MYL6B: variants seen among roughly 807,000 people sequenced by gnomAD.
MYL6B encodes the protein myosin alkali light chain 1 slow a.
In MYL6B, 19 loss-of-function variants were observed where a neutral mutation model predicts 24.5. The ratio of observed to expected loss-of-function variants is 0.78; its 90% CI spans 0.54 to 1.14. The LOEUF is 1.14. Ranked by LOEUF, MYL6B falls within the 50% of genes most tolerant of loss-of-function variation. MYL6B has a pLI of 0.00. For missense variants in MYL6B, 230 were observed against 263.8 expected (o/e 0.87, Z 0.89); for synonymous variants, 90 against 100.7 (o/e 0.89, Z 0.64).
intron 4 of MYL6B, 63 bp downstream of exon 4, chr12:56,155,261 A>G: frequency 6.4e-7 from 1 of 1,559,102 alleles, no homozygotes; most frequent in Admixed American, 2.0e-5. Flanking sequence ...TTGGTAACAA[A>G]AAGAATGAGG....
rs773655883 is a variant in MYL6B, at chr12:56,155,209, C to G, written c.346+11C>G. 12 of 1,582,806 alleles carry G rather than the reference C, an allele frequency of 7.6e-6. No individual in the cohort carries two copies. Among genetic ancestry groups the G allele is most frequent in the Middle Eastern group, 1.7e-4 (1 of 5,922 alleles). On this transcript the variant is annotated intron_variant, in intron 4 of 6. Transcript: ENST00000553066. Reference sequence around the variant, plus strand: ...ACCCCAAGAGTGATGGTGAGGGGACCCTTGGGAACAATTTGGGTTTTTAGT... The same window carrying G: ...ACCCCAAGAGTGATGGTGAGGGGACGCTTGGGAACAATTTGGGTTTTTAGT...
Position 56,153,340 on chromosome 12 carries a change from G to T in MYL6B, c.-46-533G>T, listed in dbSNP as rs560453418. The T allele has an allele frequency of 8.2e-5, 65 of 795,810 alleles. 1 individual carries two copies. In the South Asian group the frequency reaches 3.2e-3, roughly 39 times the overall value. The allele number at this position is 795,810 out of a possible 1,614,324, so 49.3% of individuals were successfully genotyped here. A position where few individuals can be genotyped will look rare whatever the true frequency, so the allele number is the denominator to read the frequency against. On this transcript the variant is annotated intron_variant, in intron 1 of 6. Coordinates refer to ENST00000553066, the Ensembl canonical transcript of MYL6B. ...AGTTCTTGGCTGGGTGGGGGCTCAG[G>T]AACTACAAGTATTAGGGATCATTAG...
intron 4 of MYL6B, 53 bp from the exon 5 acceptor site, chr12:56,155,366 G>GGGTCC: frequency 6.2e-7 from 1 of 1,611,860 alleles, no homozygotes; most frequent in Non-Finnish European, 8.5e-7. Context: ...GTTGGGAGCT[G>GGGTCC]GGTCCTATGT....
Position 56,155,736 on chromosome 12 carries a change from T to A in MYL6B, c.520+144T>A, listed in dbSNP as rs774698997. 21 of 1,540,672 alleles carry A rather than the reference T, an allele frequency of 1.4e-5. No individual in the cohort carries two copies. The East Asian group carries it at 5.1e-4, about 37-fold the overall frequency. On this transcript the variant is annotated intron_variant, in intron 5 of 6. Coordinates refer to ENST00000553066, the Ensembl canonical transcript of MYL6B. ...CAGGAGACTGAGAAGGTCAGAGCTA[T>A]GGGGGTAGAATCTGAAGGACTCGCT...
intron 1 of MYL6B, chr12:56,153,494 A>G: frequency 1.0e-6 from 1 of 987,438 alleles, no homozygotes; most frequent in Non-Finnish European, 1.2e-6. Context: ...AGTTCACACA[A>G]GCCTCCCTGG....
intron 1 of MYL6B, among the ~76,000 whole-genome samples, chr12:56,152,890 A>C (rs1030684712): frequency 6.6e-6 from 1 of 151,808 alleles, no homozygotes; most frequent in Non-Finnish European, 1.5e-5. Flanking sequence ...GTAGCCTGCA[A>C]TCCCTCCCCA....
At chr12:56,157,385 G>A in intron 5 of MYL6B, 83 bp from the exon 6 acceptor site, 5 of 1,346,460 alleles carry the variant, frequency 3.7e-6, no homozygotes, top group Non-Finnish European at 5.2e-6. Flanking sequence ...GCGAAACTCC[G>A]TCTCAAAAAA....
chr12:56,156,748 T>TAA (rs200621571), intron 5 of MYL6B, among the ~76,000 whole-genome samples: 4,560 of 150,324 alleles, frequency 0.03, 227 homozygotes, highest in African/African-American at 0.11. Context: ...CTATCTCTAT[T>TAA]TAAAAAAAAA....
At position 56,155,957 on chromosome 12, in the gene MYL6B, G is replaced by A. The variant is rs1445114675; in HGVS notation, c.520+365G>A. 21 of 1,189,014 alleles carry A rather than the reference G, an allele frequency of 1.8e-5. No individual in the cohort carries two copies. In the South Asian group the frequency reaches 2.2e-4, roughly 13 times the overall value. The allele number at this position is 1,189,014 out of a possible 1,614,324, so 73.7% of individuals were successfully genotyped here. On this transcript the variant is annotated intron_variant, in intron 5 of 6. Transcript: ENST00000553066. ...GGAAAGCAAGAGGCATCCATGACCA[G>A]GGGAGGATTCCCTTGAGGACTGAGG...
chr12:56,154,409 G>T (rs948806219), intron 2 of MYL6B, among the ~76,000 whole-genome samples: 7 of 152,158 alleles, frequency 4.6e-5, no homozygotes, highest in Admixed American at 2.6e-4. Context: ...GAGAGCTGTT[G>T]CCTGCCCCTG....
chr12:56,152,999 G>A (rs1047938788), intron 1 of MYL6B, among the ~76,000 whole-genome samples: 1 of 152,012 alleles, frequency 6.6e-6, no homozygotes, highest in African/African-American at 2.4e-5. Flanking sequence ...CCTGGTTGTG[G>A]GGTGAATACT....
intron 5 of MYL6B, 59 bp from the exon 6 acceptor site, chr12:56,157,409 G>A (rs545619313): frequency 2.7e-6 from 4 of 1,503,750 alleles, no homozygotes; most frequent in African/African-American, 1.4e-5. Flanking sequence ...AAGGAAAAGC[G>A]TGGCCTGGGT....
In MYL6B at chr12:56,155,062, G is replaced by T. The variant is rs151242776; in HGVS notation, c.210G>T (p.Lys70Asn). 3.1e-6 allele frequency: 5 copies of T among 1,611,162 alleles called. No individual in the cohort carries two copies. In the African/African-American group the frequency reaches 6.7e-5, roughly 22 times the overall value. Residue 70 changes from lysine (K) to asparagine (N), a missense_variant, in exon 4 of 7, where the codon AAG (lysine) becomes AAT (asparagine). By Grantham distance (94) the Lys-to-Asn change is moderately conservative (BLOSUM62 0). Transcript: ENST00000553066. ...CCCTTCCTTATACTTTAGAGTTCAA[G>T]GAGGCCTTCGAGCTGTTTGACCGAG... is the stretch of plus-strand genomic sequence containing the variant.
chr12:56,153,229 T>TA (rs1470850380), intron 1 of MYL6B, among the ~76,000 whole-genome samples: 1 of 152,120 alleles, frequency 6.6e-6, no homozygotes, highest in African/African-American at 2.4e-5. Context: ...CTCCTGCCCC[T>TA]AAAACAACAC....
At chr12:56,154,717 C>A in intron 2 of MYL6B, 96 bp from the exon 3 acceptor site, 1 of 1,415,098 alleles carries the variant, frequency 7.1e-7, no homozygotes, top group Non-Finnish European at 9.7e-7. Context: ...TCCCTTTGGG[C>A]CCCTCCTCAG....
At chr12:56,153,056 A>G (rs1402711309) in intron 1 of MYL6B, among the ~76,000 whole-genome samples, 1 of 152,040 alleles carries the variant, frequency 6.6e-6, no homozygotes, top group Non-Finnish European at 1.5e-5. Context: ...AGGGAATTTA[A>G]GCCGTCTCCC....
intron 5 of MYL6B, among the ~76,000 whole-genome samples, chr12:56,156,736 TTCTA>T (rs1871327873): frequency 6.7e-6 from 1 of 150,052 alleles, no homozygotes; most frequent in East Asian, 2.0e-4. Context: ...CGTAGTGAGA[TTCTA>T]TCTCTATTTA....
At chr12:56,154,220 T>C in intron 2 of MYL6B, 128 bp downstream of exon 2, 1 of 944,410 alleles carries the variant, frequency 1.1e-6, no homozygotes, top group Non-Finnish European at 1.6e-6. Flanking sequence ...GGGCTTTCCC[T>C]TAGTCCCCCA....
intron 2 of MYL6B, among the ~76,000 whole-genome samples, chr12:56,154,432 A>G (rs112697479): frequency 1.3e-5 from 2 of 152,218 alleles, no homozygotes; most frequent in African/African-American, 2.4e-5. Flanking sequence ...TGGTGGTTCA[A>G]TTCAAAAGGC....
Sources: allele counts gnomAD v4.1 joint callset (sites outside exome capture counted in the v4.1 genomes callset), GRCh38; gene constraint gnomAD v4.1.1; transcripts MANE v1.5; gene names NCBI Gene and HGNC (gene_info 2026-07-23, HGNC 2026-07-21).